MMP20: variants seen among roughly 807,000 people sequenced by gnomAD.
MMP20 encodes the protein matrix metallopeptidase 20.
Under a neutral mutation model 51.8 loss-of-function variants are expected in MMP20, and 50 were observed. That is an observed-to-expected ratio of 0.97 (90% CI 0.77 to 1.22). The LOEUF is 1.22. MMP20 is among the 50% of genes most tolerant of loss of function. The pLI is 0.00. For missense variants in MMP20, 663 were observed against 601.4 expected (o/e 1.10, Z -1.07); for synonymous variants, 244 against 216.2 (o/e 1.13, Z -1.13).
intron 6 of MMP20, among the ~76,000 whole-genome samples, chr11:102,601,953 T>A (rs1859451150): frequency 1.0e-4 from 1 of 9,830 alleles, no homozygotes; most frequent in Admixed American, 1.3e-3. Flanking sequence ...CTTTCTTTCT[T>A]TTTTTTTTTT....
At chr11:102,606,729 C>T (rs1859522974) in intron 5 of MMP20, 53 bp from the exon 6 acceptor site, 2 of 1,602,332 alleles carry the variant, frequency 1.2e-6, no homozygotes, top group African/African-American at 2.7e-5. Context: ...GGAGTTCACA[C>T]ACTTCTGCTC....
intron 9 of MMP20, 27 bp from the exon 10 acceptor site, chr11:102,577,453 T>C (rs372497542): frequency 6.9e-7 from 1 of 1,458,508 alleles, no homozygotes; most frequent in African/African-American, 1.4e-5. Flanking sequence ...TGAAATTGGG[T>C]TACTGAAGAT....
chr11:102,594,738 C>A lies in MMP20; in HGVS notation c.973G>T (p.Val325Phe), dbSNP rs781737061. Residue 325 changes from valine (V) to phenylalanine (F), a missense_variant, in exon 7 of 10, where the codon GTT (valine) becomes TTT (phenylalanine). Coordinates refer to ENST00000260228, the MANE Select transcript of MMP20 (RefSeq NM_004771.4). ...GGCCGAATTCCTGTCCGCAAGTGAA[C>A]CTGCCGTCTCCAGAAAATCCTATGG... ...FKDRIFWRRQVHLRTGIRPST... is the reference protein window; with the variant it reads ...FKDRIFWRRQFHLRTGIRPST... 28 of 1,599,910 alleles carry A rather than the reference C, an allele frequency of 1.8e-5. No homozygotes were observed. The Middle Eastern group carries it at 5.5e-4, about 32-fold the overall frequency.
At chr11:102,603,024 A>T (rs969085774) in intron 6 of MMP20, among the ~76,000 whole-genome samples, 1 of 152,232 alleles carries the variant, frequency 6.6e-6, no homozygotes, top group African/African-American at 2.4e-5. Flanking sequence ...TATTATAGCT[A>T]ACACTTATTT....
chr11:102,614,312 C>T (rs1453273119), intron 2 of MMP20, among the ~76,000 whole-genome samples: 3 of 152,132 alleles, frequency 2.0e-5, no homozygotes, highest in Non-Finnish European at 4.4e-5. Flanking sequence ...AGGCAGAGTA[C>T]TGTGATAGCC....
chr11:102,589,962 T>G (rs1431154842), intron 8 of MMP20, among the ~76,000 whole-genome samples: 1 of 152,202 alleles, frequency 6.6e-6, no homozygotes, highest in African/African-American at 2.4e-5. Flanking sequence ...TATTCTACTT[T>G]GCAGCAATGA....
Position 102,597,650 on chromosome 11 carries a change from T to C in MMP20, c.954-2893A>G, listed in dbSNP as rs193097600. ...CTTATCTGGCTCAAGATACCAGTAG[T>C]GTCAATGTTAAGAAACCCTGCTTTA... On this transcript the variant is annotated intron_variant, in intron 6 of 9. Transcript: ENST00000260228. Among the ~76,000 whole-genome samples the C allele has an allele frequency of 6.2e-4, 94 of 152,338 alleles. 1 individual carries two copies. Among genetic ancestry groups the C allele is most frequent in the African/African-American group, 2.1e-3 (87 of 41,570 alleles).
intron 8 of MMP20, among the ~76,000 whole-genome samples, chr11:102,593,144 C>T (rs1591612094): frequency 6.6e-6 from 1 of 152,244 alleles, no homozygotes; most frequent in South Asian, 2.1e-4. Context: ...TTTGGTGATG[C>T]TGCATCTACG....
chr11:102,613,607 A>G (rs1235876260), intron 2 of MMP20, among the ~76,000 whole-genome samples: 2 of 152,192 alleles, frequency 1.3e-5, no homozygotes, highest in African/African-American at 2.4e-5. Flanking sequence ...CAGATGGTGC[A>G]ATTTCAATGA....
At chr11:102,584,175 T>A (rs1334417544) in intron 8 of MMP20, among the ~76,000 whole-genome samples, 2 of 152,200 alleles carry the variant, frequency 1.3e-5, no homozygotes, top group African/African-American at 4.8e-5. Flanking sequence ...CAAATGATAA[T>A]TCTATGTTCA....
chr11:102,586,456 C>G (rs1026175142), intron 8 of MMP20, among the ~76,000 whole-genome samples: 2 of 151,814 alleles, frequency 1.3e-5, no homozygotes, highest in African/African-American at 2.4e-5. Flanking sequence ...CCTTTATGAC[C>G]TTTTTTATTT....
intron 8 of MMP20, among the ~76,000 whole-genome samples, chr11:102,581,266 A>G (rs1200569353): frequency 6.6e-6 from 1 of 152,174 alleles, no homozygotes. Flanking sequence ...TGGCCCCAAG[A>G]ACAATTAACT....
At chr11:102,581,664 T>A (rs988575034) in intron 8 of MMP20, among the ~76,000 whole-genome samples, 1 of 152,238 alleles carries the variant, frequency 6.6e-6, no homozygotes, top group African/African-American at 2.4e-5. Flanking sequence ...CAGCTTCAGA[T>A]GGACCACTGT....
At chr11:102,610,093 C>A (rs1591620209) in intron 3 of MMP20, 63 bp from the exon 4 acceptor site, 1 of 1,581,136 alleles carries the variant, frequency 6.3e-7, no homozygotes, top group East Asian at 2.3e-5. Context: ...AGGGGCGCAT[C>A]ATATTACAGA....
At chr11:102,619,711 G>T (rs1336391232) in intron 1 of MMP20, among the ~76,000 whole-genome samples, 1 of 151,828 alleles carries the variant, frequency 6.6e-6, no homozygotes, top group Non-Finnish European at 1.5e-5. Flanking sequence ...TAGTCTAAGG[G>T]ACTAACAGTG....
At chr11:102,581,287 A>T (rs1859193582) in intron 8 of MMP20, among the ~76,000 whole-genome samples, 1 of 152,098 alleles carries the variant, frequency 6.6e-6, no homozygotes, top group Non-Finnish European at 1.5e-5. Context: ...CTGACTTGTC[A>T]GTGTAAGGTT....
intron 1 of MMP20, among the ~76,000 whole-genome samples, chr11:102,621,259 A>G (rs1624909): frequency 0.78 from 118,237 of 152,196 alleles, 46,007 homozygotes; most frequent in East Asian, 0.92. Context: ...AACAAGTGGA[A>G]ATGTACGCCT....
chr11:102,588,819 T>A (rs1019348108), intron 8 of MMP20, among the ~76,000 whole-genome samples: 2 of 152,204 alleles, frequency 1.3e-5, no homozygotes, highest in African/African-American at 4.8e-5. Context: ...TCTGGGAATG[T>A]CTTTATTTCT....
intron 8 of MMP20, among the ~76,000 whole-genome samples, chr11:102,591,597 T>C (rs1859318084): frequency 6.6e-6 from 1 of 152,208 alleles, no homozygotes. Flanking sequence ...GTGCCTACGA[T>C]GGTTTCCTTC....
Sources: allele counts gnomAD v4.1 joint callset (sites outside exome capture counted in the v4.1 genomes callset), GRCh38; gene constraint gnomAD v4.1.1; transcripts MANE v1.5; gene names NCBI Gene and HGNC (gene_info 2026-07-23, HGNC 2026-07-21).